The following MBD5 variants were observed in gnomAD, a reference collection of about 807,000 sequenced individuals.
The protein encoded by MBD5 is methyl-CpG binding domain protein 5.
Under a neutral mutation model 117.3 loss-of-function variants are expected in MBD5, and 13 were observed. The observed-to-expected ratio is 0.11, with a 90% CI of 0.07 to 0.18. The LOEUF (loss-of-function observed/expected upper bound fraction) is 0.18. Ranked by LOEUF, MBD5 falls within the 10% of genes least tolerant of loss-of-function variation. The pLI is 1.00. For missense variants in MBD5, 1,879 were observed against 2,093.8 expected, an observed-to-expected ratio of 0.90 and a Z score of 2.00; for synonymous variants, 727 against 766.4, an observed-to-expected ratio of 0.95 and a Z score of 0.85.
At chr2:148,414,574 A>G (rs1309647168) in intron 4 of MBD5, among the ~76,000 whole-genome samples, 3 of 152,120 alleles carry the variant, frequency 2.0e-5, no homozygotes, top group African/African-American at 7.2e-5. Flanking sequence ...GAAGTCTCCC[A>G]CTATTATAGC....
At chr2:148,327,945 C>T (rs375924195) in intron 3 of MBD5, among the ~76,000 whole-genome samples, 30 of 152,116 alleles carry the variant, frequency 2.0e-4, no homozygotes, top group African/African-American at 3.9e-4. Flanking sequence ...AGTTTTTCTG[C>T]TCTGTTTTTT....
chr2:148,345,235 T>TAC (rs1376847605), intron 4 of MBD5, among the ~76,000 whole-genome samples: 1 of 119,226 alleles, frequency 8.4e-6, no homozygotes, highest in Non-Finnish European at 1.8e-5. Context: ...CACATATATA[T>TAC]ACCCACACAT....
intron 3 of MBD5, among the ~76,000 whole-genome samples, chr2:148,306,892 A>G (rs1389021133): frequency 6.6e-6 from 1 of 152,226 alleles, no homozygotes; most frequent in Admixed American, 6.5e-5. Flanking sequence ...TGGAATATTT[A>G]TATCAATGAC....
intron 3 of MBD5, among the ~76,000 whole-genome samples, chr2:148,325,582 G>C (rs1209608849): frequency 4.6e-5 from 7 of 151,976 alleles, no homozygotes; most frequent in Middle Eastern, 3.4e-3. Context: ...ATGTGTCGAG[G>C]AATTTATCCA....
chr2:148,138,343 G>T (rs1697222226), intron 1 of MBD5, among the ~76,000 whole-genome samples: 1 of 152,186 alleles, frequency 6.6e-6, no homozygotes. Context: ...CTTACAGTCA[G>T]TGAAATCCAG....
chr2:148,322,258 G>A (rs1386922644), intron 3 of MBD5, among the ~76,000 whole-genome samples: 1 of 152,116 alleles, frequency 6.6e-6, no homozygotes, highest in Non-Finnish European at 1.5e-5. Flanking sequence ...ATACAACTAA[G>A]CTTTTAGCTT....
intron 1 of MBD5, among the ~76,000 whole-genome samples, chr2:148,053,207 G>C (rs1694769105): frequency 6.6e-6 from 1 of 151,992 alleles, no homozygotes; most frequent in Non-Finnish European, 1.5e-5. Context: ...GTATTGTTAG[G>C]TGCACATATG....
intron 1 of MBD5, among the ~76,000 whole-genome samples, chr2:148,059,968 A>G (rs972411598): frequency 1.2e-4 from 18 of 150,752 alleles, no homozygotes; most frequent in Admixed American, 4.0e-4. Flanking sequence ...GGAAGCTTCA[A>G]ATGCATGGAG....
intron 1 of MBD5, chr2:148,044,579 T>C (rs887271648): frequency 9.2e-5 from 14 of 152,144 alleles, no homozygotes; most frequent in Admixed American, 6.5e-5. Context: ...TAAGAGGAAA[T>C]AAATAAATAT....
chr2:148,509,476 A>T (rs532013881), intron 12 of MBD5, among the ~76,000 whole-genome samples: 1 of 152,294 alleles, frequency 6.6e-6, no homozygotes, highest in South Asian at 2.1e-4. Flanking sequence ...TAGTTACCTC[A>T]TTTTGGCTTT....
chr2:148,259,787 A>G (rs765049731), intron 3 of MBD5, among the ~76,000 whole-genome samples: 2 of 152,226 alleles, frequency 1.3e-5, no homozygotes, highest in Non-Finnish European at 2.9e-5. Context: ...CATAATGTGC[A>G]GAGCTGTGCA....
At chr2:148,468,308 T>C in intron 7 of MBD5, 33 bp from the exon 8 acceptor site, 1 of 1,582,776 alleles carries the variant, frequency 6.3e-7, no homozygotes, top group Non-Finnish European at 8.7e-7. Context: ...GTTGAGACTG[T>C]TAACAGAATT....
chr2:148,068,401 C>G (rs149759824), intron 1 of MBD5, among the ~76,000 whole-genome samples: 3 of 152,154 alleles, frequency 2.0e-5, no homozygotes, highest in Non-Finnish European at 4.4e-5. Context: ...AAGGAGACCT[C>G]TTAGTGGGCA....
chr2:148,275,573 T>C (rs1472209895), intron 3 of MBD5, among the ~76,000 whole-genome samples: 1 of 152,212 alleles, frequency 6.6e-6, no homozygotes, highest in Non-Finnish European at 1.5e-5. Flanking sequence ...TTTCTCTAAA[T>C]ACCTTCAAAT....
At position 148,445,554 on chromosome 2, in the gene MBD5, T is replaced by G. The variant is rs549206624; in HGVS notation, c.-556-12649T>G. 6.0e-4 allele frequency among the ~76,000 whole-genome samples: 91 copies of G among 151,472 alleles called. 3 individuals are homozygous for G. The highest frequency in any genetic ancestry group is 1.3e-3 in the Admixed American group (20 of 15,250). On this transcript the variant is annotated intron_variant, in intron 4 of 13. Transcript: ENST00000642680. ...TCTATCATTGTTGGACATTTGGGTT[T>G]GTTCCAAGTCTTTGCTATTGTGAAT...
At chr2:148,447,396 C>T (rs190522717) in intron 4 of MBD5, among the ~76,000 whole-genome samples, 11 of 152,212 alleles carry the variant, frequency 7.2e-5, no homozygotes, top group Middle Eastern at 3.4e-3. Context: ...GGCTTACTGG[C>T]CCTCCTGCAC....
intron 1 of MBD5, among the ~76,000 whole-genome samples, chr2:148,130,080 A>G: frequency 6.6e-6 from 1 of 152,224 alleles, no homozygotes; most frequent in Non-Finnish European, 1.5e-5. Context: ...AAATAACTTC[A>G]TTATAGAACC....
rs111257570 is a variant in MBD5, at chr2:148,070,857, GT to G, written c.-925+49186del. ...AATTAAGCATTATACCAAGTTTTTTGTTTTTTTTTTTTTAGATGGAGTCTCG... is the reference window on the plus strand; with the variant it reads ...AATTAAGCATTATACCAAGTTTTTTGTTTTTTTTTTTTAGATGGAGTCTCG... On this transcript the variant is annotated intron_variant, in intron 1 of 13. Coordinates refer to ENST00000642680, the MANE Select transcript of MBD5 (RefSeq NM_001378120.1). 1.7e-3 allele frequency: 231 copies of G among 139,674 alleles called. 1 individual carries two copies. Among genetic ancestry groups the G allele is most frequent in the South Asian group, 4.5e-3 (20 of 4,398 alleles). The allele number at this position is 139,674 out of a possible 1,614,324, so 8.7% of individuals were successfully genotyped here. A position where few individuals can be genotyped will look rare whatever the true frequency, so the allele number is the denominator to read the frequency against.
In MBD5 at chr2:148,469,249, C is replaced by A; in HGVS notation, c.1306C>A (p.Pro436Thr). The A allele has an allele frequency of 6.2e-7, 1 of 1,614,004 alleles. No individual in the cohort carries two copies. Among genetic ancestry groups the A allele is most frequent in the Non-Finnish European group, 8.5e-7 (1 of 1,179,954 alleles). Residue 436 changes from proline to threonine, a missense_variant, in exon 8 of 14, where the codon CCT (proline) becomes ACT (threonine). Physicochemically the swap from Pro to Thr is conservative, Grantham distance 38 (BLOSUM62 -1). Coordinates refer to ENST00000642680, the MANE Select transcript of MBD5 (RefSeq NM_001378120.1). ...VQHSASTSLS[P>T]SPVTSPVHMM... ...GCATTCAGCTTCAACCTCCCTGTCC[C>A]CTTCTCCAGTGACATCCCCCGTGCA...
Sources: gnomAD v4.1 joint callset for allele counts (sites outside exome capture counted in the v4.1 genomes callset) on GRCh38, gnomAD v4.1.1 for gene constraint, MANE v1.5 for transcripts, NCBI Gene and HGNC (gene_info 2026-07-23, HGNC 2026-07-21) for gene names.